The following PRKACB variants were observed in gnomAD, a reference collection of about 807,000 sequenced individuals.
PRKACB encodes cAMP-dependent protein kinase catalytic subunit beta.
A neutral mutation model predicts 51.4 loss-of-function variants in PRKACB; 16 were observed. The ratio of observed to expected loss-of-function variants is 0.31; its 90% CI spans 0.21 to 0.47. PRKACB has a LOEUF of 0.47. Ranked by LOEUF, PRKACB falls within the 20% of genes least tolerant of loss-of-function variation. PRKACB has a pLI of 1.00. For missense variants in PRKACB, 309 were observed against 464.5 expected, an observed-to-expected ratio of 0.67 and a Z score of 3.08; for synonymous variants, 147 against 154.4, an observed-to-expected ratio of 0.95 and a Z score of 0.35.
chr1:84,139,129 A>G (rs1653133831), intron 1 of PRKACB, among the ~76,000 whole-genome samples: 6 of 152,210 alleles, frequency 3.9e-5, no homozygotes. Context: ...GACTTGGAAT[A>G]AGGCAAGAAT....
At chr1:84,180,872 G>A (rs1663202093) in intron 2 of PRKACB, among the ~76,000 whole-genome samples, 1 of 151,962 alleles carries the variant, frequency 6.6e-6, no homozygotes, top group Non-Finnish European at 1.5e-5. Context: ...ATAAAGAGCA[G>A]AAACACATAT....
intron 1 of PRKACB, among the ~76,000 whole-genome samples, chr1:84,095,996 A>T (rs145277040): frequency 2.6e-5 from 4 of 152,074 alleles, no homozygotes; most frequent in Non-Finnish European, 5.9e-5. Context: ...ATCTTTTGGC[A>T]TGCCTAGGAA....
chr1:84,191,375 A>G (rs568511087), intron 5 of PRKACB, among the ~76,000 whole-genome samples: 6 of 152,086 alleles, frequency 3.9e-5, no homozygotes, highest in Admixed American at 6.6e-5. Context: ...ATTGTAAGGT[A>G]TAAGCTGAGA....
At chr1:84,196,565 G>A in intron 5 of PRKACB, 51 bp from the exon 6 acceptor site, 1 of 1,562,470 alleles carries the variant, frequency 6.4e-7, no homozygotes, top group South Asian at 1.2e-5. Flanking sequence ...CTACTAATTA[G>A]AATGTATTAA....
intron 7 of PRKACB, among the ~76,000 whole-genome samples, chr1:84,199,344 T>A (rs1669380814): frequency 6.6e-6 from 1 of 151,994 alleles, no homozygotes; most frequent in Non-Finnish European, 1.5e-5. Flanking sequence ...TGTTTTTTCC[T>A]TCTTTGTCTT....
chr1:84,179,344 G>T (rs1662429744), intron 2 of PRKACB, 106 bp downstream of exon 2: 2 of 1,285,128 alleles, frequency 1.6e-6, no homozygotes, highest in Admixed American at 3.2e-5. Flanking sequence ...TTCATGTGGT[G>T]TTAGTAAACA....
chr1:84,158,653 A>G (rs1239382545), intron 1 of PRKACB, among the ~76,000 whole-genome samples: 1 of 152,106 alleles, frequency 6.6e-6, no homozygotes, highest in Non-Finnish European at 1.5e-5. Context: ...GTATTTGAAG[A>G]GCAAAATTTG....
chr1:84,226,370 T>C (rs979084188), intron 9 of PRKACB, among the ~76,000 whole-genome samples: 1 of 151,888 alleles, frequency 6.6e-6, no homozygotes, highest in Admixed American at 6.6e-5. Flanking sequence ...AATTTACCAT[T>C]ATGAACATGT....
At chr1:84,107,668 G>T (rs763944024) in intron 1 of PRKACB, among the ~76,000 whole-genome samples, 26 of 152,086 alleles carry the variant, frequency 1.7e-4, no homozygotes, top group Non-Finnish European at 3.8e-4. Flanking sequence ...CTATTAAAAT[G>T]TGCACAATGG....
At chr1:84,158,186 C>T (rs780363475) in intron 1 of PRKACB, among the ~76,000 whole-genome samples, 7 of 151,902 alleles carry the variant, frequency 4.6e-5, no homozygotes, top group South Asian at 4.2e-4. Context: ...TACAGGCATG[C>T]GCCATCACTC....
chr1:84,078,139 A>C (rs1429253684), upstream of PRKACB: 1 of 553,816 alleles, frequency 1.8e-6, no homozygotes, highest in Non-Finnish European at 3.0e-6. Context: ...TGCCGGTGCT[A>C]AGGAGTTCGC....
At chr1:84,142,132 T>G (rs1012212157), upstream of PRKACB, among the ~76,000 whole-genome samples, 6 of 152,164 alleles carry the variant, frequency 3.9e-5, no homozygotes, top group African/African-American at 1.4e-4. Context: ...GAATACTTTT[T>G]TCTTTTAACA....
chr1:84,110,342 A>G (rs1046997602), intron 1 of PRKACB, among the ~76,000 whole-genome samples: 1 of 151,808 alleles, frequency 6.6e-6, no homozygotes, highest in African/African-American at 2.4e-5. Context: ...TGCATAGGCT[A>G]TATGTGTGAC....
intron 9 of PRKACB, among the ~76,000 whole-genome samples, chr1:84,221,763 G>A (rs1673760962): frequency 6.6e-6 from 1 of 151,936 alleles, no homozygotes; most frequent in Non-Finnish European, 1.5e-5. Flanking sequence ...CTGATTTCTA[G>A]TTTTTCCCAT....
At chr1:84,199,534 T>G (rs576981389) in intron 7 of PRKACB, among the ~76,000 whole-genome samples, 15 of 152,316 alleles carry the variant, frequency 9.8e-5, no homozygotes, top group Middle Eastern at 3.4e-3. Flanking sequence ...TACCACATTT[T>G]CTTTGTCTAG....
intron 1 of PRKACB, among the ~76,000 whole-genome samples, chr1:84,146,984 A>T (rs902706592): frequency 6.6e-6 from 1 of 152,136 alleles, no homozygotes; most frequent in Non-Finnish European, 1.5e-5. Flanking sequence ...TTTTGTTCCA[A>T]CTCAGAATGA....
At chr1:84,151,254 T>G (rs1654829786) in intron 1 of PRKACB, among the ~76,000 whole-genome samples, 1 of 152,204 alleles carries the variant, frequency 6.6e-6, no homozygotes, top group African/African-American at 2.4e-5. Flanking sequence ...TGCAATAACA[T>G]TATATCTTTT....
intron 9 of PRKACB, among the ~76,000 whole-genome samples, chr1:84,226,551 C>A (rs1674641231): frequency 6.6e-6 from 1 of 152,048 alleles, no homozygotes; most frequent in Non-Finnish European, 1.5e-5. Context: ...GGCAAAACAT[C>A]ATTTTTATGT....
At chr1:84,161,253 T>G (rs1352612755) in intron 1 of PRKACB, among the ~76,000 whole-genome samples, 1 of 151,894 alleles carries the variant, frequency 6.6e-6, no homozygotes, top group Non-Finnish European at 1.5e-5. Flanking sequence ...ACTTAAAGTC[T>G]ATTTTGTCTA....
Sources: allele counts gnomAD v4.1 joint callset (sites outside exome capture counted in the v4.1 genomes callset), GRCh38; gene constraint gnomAD v4.1.1; transcripts MANE v1.5; gene names NCBI Gene and HGNC (gene_info 2026-07-23, HGNC 2026-07-21).